The following PDE4C variants were observed in gnomAD, a reference collection of about 807,000 sequenced individuals.
PDE4C encodes 3',5'-cyclic-AMP phosphodiesterase 4C.
PDE4C carries 50 observed loss-of-function variants against 63.9 expected under a neutral mutation model. The ratio of observed to expected loss-of-function variants is 0.78; its 90% CI spans 0.62 to 0.99. The LOEUF is 0.99. Among genes scored for constraint, PDE4C ranks in the 50% least tolerant of loss-of-function variants. The pLI, the probability that PDE4C is intolerant of heterozygous loss-of-function variation, is 0.00. For synonymous variants in PDE4C, 377 were observed against 385.1 expected (o/e 0.98, Z 0.25); for missense variants, 777 against 899.1 (o/e 0.86, Z 1.74).
At chr19:18,227,769 C>A (rs1480926607), upstream of PDE4C, among the ~76,000 whole-genome samples, 1 of 152,156 alleles carries the variant, frequency 6.6e-6, no homozygotes, top group Middle Eastern at 3.2e-3. Flanking sequence ...GCCTTCCCCC[C>A]GGGGCGGCTG....
intron 1 of PDE4C, among the ~76,000 whole-genome samples, chr19:18,241,029 C>T (rs528469936): frequency 6.6e-6 from 1 of 152,128 alleles, no homozygotes; most frequent in Admixed American, 6.6e-5. Flanking sequence ...CGCATTTGAG[C>T]ACAACTTGTC....
At chr19:18,231,185 C>T (rs928733555), upstream of PDE4C, among the ~76,000 whole-genome samples, 2 of 152,216 alleles carry the variant, frequency 1.3e-5, no homozygotes, top group African/African-American at 2.4e-5. Flanking sequence ...GGGTGAACCC[C>T]TACCCTCATA....
At chr19:18,244,008 C>T (rs762546383) in intron 1 of PDE4C, among the ~76,000 whole-genome samples, 8 of 151,808 alleles carry the variant, frequency 5.3e-5, no homozygotes, top group East Asian at 1.9e-4. Context: ...GCGCCCACCA[C>T]GATGCCAGGC....
intron 1 of PDE4C, among the ~76,000 whole-genome samples, chr19:18,245,233 G>C (rs11086098): frequency 6.6e-6 from 1 of 151,138 alleles, no homozygotes; most frequent in African/African-American, 2.4e-5. Flanking sequence ...GCACAATCTC[G>C]GCTCACTGCA....
chr19:18,233,066 G>GA lies in PDE4C; in HGVS notation c.125dup (p.Gln43ProfsTer41). ...CCGGATCCGAATAGAAGCGCTGTTGGATGCGGATGGGGCGCCGGGGTTGCC... is the reference window on the plus strand; with the variant it reads ...CCGGATCCGAATAGAAGCGCTGTTGGAATGCGGATGGGGCGCCGGGGTTGCC... On this transcript the variant is annotated frameshift_variant, in exon 1 of 15. Transcript: ENST00000594465. LOFTEE classifies it high-confidence loss of function. 1.3e-6 allele frequency: 2 copies of GA among 1,570,972 alleles called. No individual in the cohort carries two copies. The highest frequency in any genetic ancestry group is 1.7e-6 in the Non-Finnish European group (2 of 1,158,562).
At chr19:18,224,127 C>G (rs1336292968) in intron 1 of PDE4C, 2 of 863,560 alleles carry the variant, frequency 2.3e-6, no homozygotes, top group African/African-American at 1.8e-5. Flanking sequence ...CACTACCTGT[C>G]CCGTTCTACC....
upstream of PDE4C, among the ~76,000 whole-genome samples, chr19:18,235,244 C>T (rs535026829): frequency 6.6e-6 from 1 of 152,292 alleles, no homozygotes; most frequent in East Asian, 1.9e-4. Context: ...GATCTTGGCT[C>T]ACTGCGACCT....
At chr19:18,221,283 A>C in exon 3 of PDE4C, 1 of 1,543,542 alleles carries the variant, frequency 6.5e-7, no homozygotes, top group Non-Finnish European at 8.7e-7. Context: ...CGTCACAATC[A>C]TGTCCTCTCC....
rs772793356 is a variant in PDE4C at position 18,221,310 on chromosome 19, G to C, written c.339-13C>G. The C allele has an allele frequency of 1.2e-5, 18 of 1,537,558 alleles. No homozygotes were observed. The highest frequency in any genetic ancestry group is 4.6e-5 in the Admixed American group (2 of 43,702). On this transcript the variant is annotated splice_polypyrimidine_tract_variant and intron_variant, in intron 2 of 14. Coordinates refer to ENST00000262805, the Ensembl canonical transcript of PDE4C. ...GTCCTCTCCATGTCTGCGAGGAGAC[G>C]GGCCATCAGGGAGAGCTCTCTCCCA...
At chr19:18,247,128 T>C (rs938115291) in intron 1 of PDE4C, among the ~76,000 whole-genome samples, 3 of 152,180 alleles carry the variant, frequency 2.0e-5, no homozygotes, top group Non-Finnish European at 4.4e-5. Context: ...GGTCCCCTTT[T>C]CTTGGGTGAG....
chr19:18,226,338 G>T, exon 1 of PDE4C: 1 of 1,533,134 alleles, frequency 6.5e-7, no homozygotes, highest in Non-Finnish European at 8.8e-7. Flanking sequence ...GCTTCCTGAA[G>T]AGCCCGGGGG....
chr19:18,233,765 G>A (rs994032540), upstream of PDE4C: 8 of 325,578 alleles, frequency 2.5e-5, no homozygotes, highest in African/African-American at 1.8e-4. Context: ...TGCACCCCCA[G>A]ACCAGGGCGT....
At chr19:18,235,100 G>A (rs1355665953), upstream of PDE4C, among the ~76,000 whole-genome samples, 3 of 152,198 alleles carry the variant, frequency 2.0e-5, no homozygotes, top group Non-Finnish European at 4.4e-5. Context: ...AAGGGTCTGA[G>A]ACCAGGAGCT....
upstream of PDE4C, among the ~76,000 whole-genome samples, chr19:18,237,734 G>A (rs1473363516): frequency 2.6e-5 from 4 of 151,882 alleles, no homozygotes; most frequent in South Asian, 2.1e-4. Flanking sequence ...TTAGCCGGGC[G>A]TGGTGGCGGG....
upstream of PDE4C, chr19:18,252,450 C>G (rs1969241947): frequency 1.5e-5 from 6 of 398,982 alleles, no homozygotes. Context: ...TGTCTCCATA[C>G]TGTTCTCTGA....
chr19:18,221,058 C>CCCCCCCCCCCCCCCCCCCAGGG, intron 4 of PDE4C, 47 bp downstream of exon 4: 10 of 1,221,600 alleles, frequency 8.2e-6, no homozygotes, highest in Non-Finnish European at 1.2e-5. Context: ...TTCCGCCCAC[C>CCCCCCCCCCCCCCCCCCCAGGG]TTGTCTCTGC....
chr19:18,222,171 G>A (rs1486998721), exon 2 of PDE4C: 4 of 1,613,890 alleles, frequency 2.5e-6, no homozygotes, highest in East Asian at 2.2e-5. Flanking sequence ...CATGGCCTTG[G>A]GCGAGAGTTC....
At position 18,220,816 on chromosome 19, in the gene PDE4C, T is replaced by G; in HGVS notation, c.499+58A>C. On this transcript the variant is annotated intron_variant, in intron 5 of 14. Transcript: ENST00000262805. This position sits in a 1 kb window ranked among gnomAD's most constrained non-coding sequence, Gnocchi z 5.1. ...GGGGCTCATGGACTGGGGAGGTCAC[T>G]ATGGAAAGGAAGCTCCCAGCTGTCC... 2.0e-6 allele frequency: 3 copies of G among 1,531,002 alleles called. No homozygotes were observed. The highest frequency in any genetic ancestry group is 2.7e-6 in the Non-Finnish European group (3 of 1,116,518). 94.8% of individuals were successfully genotyped at this position (1,531,002 alleles called of 1,614,324 possible). A position where few individuals can be genotyped will look rare whatever the true frequency, so the allele number is the denominator to read the frequency against.
chr19:18,219,426 G>A (rs748165464), intron 7 of PDE4C, 29 bp from the exon 8 acceptor site: 43 of 1,554,288 alleles, frequency 2.8e-5, no homozygotes, highest in Non-Finnish European at 3.5e-5. Context: ...GAAGCTCAGA[G>A]AAGCCGATTT....
Sources: gnomAD v4.1 joint callset for allele counts (sites outside exome capture counted in the v4.1 genomes callset) on GRCh38, gnomAD v4.1.1 for gene constraint, Gnocchi (gnomAD v3.1) non-coding constraint, MANE v1.5 for transcripts, NCBI Gene and HGNC (gene_info 2026-07-23, HGNC 2026-07-21) for gene names.